AGL: variants seen among roughly 807,000 people sequenced by gnomAD.
The protein encoded by AGL is amylo-alpha-1,6-glucosidase and 4-alpha-glucanotransferase.
In AGL, 128 loss-of-function variants were observed where a neutral mutation model predicts 199.3. The observed-to-expected ratio is 0.64, with a 90% CI of 0.56 to 0.74. AGL has a LOEUF of 0.74. Ranked by LOEUF, AGL falls within the 30% of genes least tolerant of loss-of-function variation. The pLI is 0.00. For synonymous variants in AGL, 584 were observed against 594.7 expected (o/e 0.98, Z 0.26); for missense variants, 1,809 against 1,820.8 (o/e 0.99, Z 0.12).
At chr1:99,872,458 T>A (rs1160029362) in intron 7 of AGL, among the ~76,000 whole-genome samples, 1 of 152,170 alleles carries the variant, frequency 6.6e-6, no homozygotes, top group Non-Finnish European at 1.5e-5. Context: ...CTTAATATTA[T>A]CACTAACATT....
At chr1:99,885,220 G>A (rs906543675) in intron 20 of AGL, among the ~76,000 whole-genome samples, 1 of 152,112 alleles carries the variant, frequency 6.6e-6, no homozygotes, top group African/African-American at 2.4e-5. Flanking sequence ...GAAGAATATA[G>A]GTTTTGAGGT....
At chr1:99,862,479 T>C (rs1650135722) in intron 4 of AGL, 56 bp downstream of exon 4, 2 of 1,583,220 alleles carry the variant, frequency 1.3e-6, no homozygotes, top group Non-Finnish European at 1.7e-6. Flanking sequence ...AATTATCCTC[T>C]GTGATATAGA....
intron 27 of AGL, among the ~76,000 whole-genome samples, chr1:99,908,969 A>T (rs146709027): frequency 6.6e-6 from 1 of 152,086 alleles, no homozygotes; most frequent in Non-Finnish European, 1.5e-5. Flanking sequence ...TCTGTTTCAC[A>T]TGTAGATTGG....
chr1:99,899,091 A>G (rs572404762), intron 25 of AGL, among the ~76,000 whole-genome samples: 14 of 150,916 alleles, frequency 9.3e-5, no homozygotes, highest in African/African-American at 3.4e-4. Context: ...ATATATATGT[A>G]TATATAGAGA....
At chr1:99,856,395 C>T (rs1232145245) in intron 2 of AGL, among the ~76,000 whole-genome samples, 1 of 133,556 alleles carries the variant, frequency 7.5e-6, no homozygotes, top group Non-Finnish European at 1.6e-5. Context: ...TCCCTCCCTC[C>T]TTCCTTCTTT....
intron 7 of AGL, among the ~76,000 whole-genome samples, chr1:99,872,655 A>G (rs1361848271): frequency 6.6e-6 from 1 of 151,910 alleles, no homozygotes; most frequent in African/African-American, 2.4e-5. Flanking sequence ...CAGCCTCCCA[A>G]GTAGCTGAAA....
chr1:99,917,579 A>T (rs181407496), intron 33 of AGL, among the ~76,000 whole-genome samples: 1 of 152,102 alleles, frequency 6.6e-6, no homozygotes, highest in East Asian at 1.9e-4. Context: ...GTGAAATTTA[A>T]ATGTTTGTTG....
chr1:99,903,154 T>C (rs1340401421), intron 27 of AGL, among the ~76,000 whole-genome samples: 2 of 152,208 alleles, frequency 1.3e-5, no homozygotes, highest in African/African-American at 4.8e-5. Flanking sequence ...TTAATTATTA[T>C]ACTTTAAATT....
At position 99,892,393 on chromosome 1, in the gene AGL, T is replaced by G. The variant is rs769761724; in HGVS notation, c.3084-39T>G. The G allele has an allele frequency of 4.4e-6, 7 of 1,585,274 alleles. No individual in the cohort carries two copies. In the African/African-American group the frequency reaches 8.1e-5, roughly 18 times the overall value. Reference sequence around the variant, plus strand: ...AGTAAAATAAAACTGCTAAAAATTGTATTTCTACAAGTAATAAATTCAATC... The same window carrying G: ...AGTAAAATAAAACTGCTAAAAATTGGATTTCTACAAGTAATAAATTCAATC... On this transcript the variant is annotated intron_variant, in intron 23 of 33. Coordinates refer to ENST00000361915, the MANE Select transcript of AGL (RefSeq NM_000642.3).
intron 7 of AGL, 131 bp from the exon 8 acceptor site, chr1:99,874,556 A>G (rs1164471519): frequency 4.5e-6 from 4 of 895,818 alleles, no homozygotes; most frequent in Admixed American, 2.1e-5. Flanking sequence ...AGGAGGTAGG[A>G]GGATACCTGT....
chr1:99,883,968 T>G, intron 17 of AGL, 152 bp from the exon 18 acceptor site: 1 of 639,348 alleles, frequency 1.6e-6, no homozygotes, highest in South Asian at 2.1e-5. Context: ...AAAATACACC[T>G]TGGGTAGAAT....
At chr1:99,906,653 A>T (rs1439672638) in intron 27 of AGL, among the ~76,000 whole-genome samples, 1 of 152,006 alleles carries the variant, frequency 6.6e-6, no homozygotes, top group Non-Finnish European at 1.5e-5. Context: ...TTTGTGACTG[A>T]TTTTTTCCAC....
rs377763205 is a variant in AGL at position 99,875,311 on chromosome 1, G to A, written c.1186-47G>A. The A allele has an allele frequency of 5.0e-6, 8 of 1,612,512 alleles. No homozygotes were observed. In the African/African-American group the frequency reaches 1.1e-4, roughly 22 times the overall value. Reference sequence around the variant, plus strand: ...CCTTGCATCTTACTACTATTTTTTTGTTGTCTTGAGGATGGTGATGATCTA... The same window carrying A: ...CCTTGCATCTTACTACTATTTTTTTATTGTCTTGAGGATGGTGATGATCTA... On this transcript the variant is annotated intron_variant, in intron 9 of 33. Coordinates refer to ENST00000361915, the MANE Select transcript of AGL (RefSeq NM_000642.3).
intron 21 of AGL, among the ~76,000 whole-genome samples, chr1:99,890,535 A>G (rs776126659): frequency 6.6e-6 from 1 of 152,158 alleles, no homozygotes; most frequent in Non-Finnish European, 1.5e-5. Context: ...AAATAAATTT[A>G]GTCTAAATGA....
At chr1:99,881,006 A>G in intron 14 of AGL, 70 bp from the exon 15 acceptor site, 2 of 1,359,370 alleles carry the variant, frequency 1.5e-6, no homozygotes, top group East Asian at 2.3e-5. Flanking sequence ...CTTTTACTTC[A>G]TTATGCTATA....
intron 24 of AGL, among the ~76,000 whole-genome samples, chr1:99,894,931 C>T (rs921674241): frequency 6.6e-6 from 1 of 152,104 alleles, no homozygotes; most frequent in African/African-American, 2.4e-5. Flanking sequence ...AGATAGCAAA[C>T]AAGATAATTT....
rs961563586 is a variant in AGL at position 99,870,419 on chromosome 1, C to T, written c.684C>T (p.Ile228=). The T allele has an allele frequency of 3.7e-6, 6 of 1,613,788 alleles. No individual in the cohort carries two copies. Among genetic ancestry groups the T allele is most frequent in the Non-Finnish European group, 5.1e-6 (6 of 1,179,914 alleles). The change falls in exon 6 of 34, where the codon ATC becomes ATT. Residue 228 remains isoleucine (I), a synonymous_variant. Transcript: ENST00000361915. ...CTTCAGCTGCTAATAGTAAATGGATCCAGGAACATCCAGAATGTGCCTATA... is the reference window on the plus strand; with the variant it reads ...CTTCAGCTGCTAATAGTAAATGGATTCAGGAACATCCAGAATGTGCCTATA... ...YNHTAANSKW[I]QEHPECAYNL...
At chr1:99,907,528 G>T (rs190764559) in intron 27 of AGL, among the ~76,000 whole-genome samples, 1 of 152,168 alleles carries the variant, frequency 6.6e-6, no homozygotes, top group South Asian at 2.1e-4. Context: ...AGTAACTACC[G>T]TACTGTCTTC....
chr1:99,920,348 T>G (rs1233179071), intron 33 of AGL, among the ~76,000 whole-genome samples: 1 of 152,184 alleles, frequency 6.6e-6, no homozygotes, highest in Non-Finnish European at 1.5e-5. Context: ...ATCCTGTGGC[T>G]TGTGGCAGCA....
Sources: allele counts gnomAD v4.1 joint callset (sites outside exome capture counted in the v4.1 genomes callset), GRCh38; gene constraint gnomAD v4.1.1; transcripts MANE v1.5; gene names NCBI Gene and HGNC (gene_info 2026-07-23, HGNC 2026-07-21).